PIK3R2: variants seen among roughly 807,000 people sequenced by gnomAD.
The protein encoded by PIK3R2 is phosphatidylinositol 3-kinase regulatory subunit beta.
In PIK3R2, 40 loss-of-function variants were observed where a neutral mutation model predicts 78.5. That is an observed-to-expected ratio of 0.51 (90% CI 0.40 to 0.66). The LOEUF (loss-of-function observed/expected upper bound fraction) is 0.66, where lower values mean the gene tolerates loss of function less well. Among genes scored for constraint, PIK3R2 ranks in the 30% least tolerant of loss-of-function variants. The pLI, the probability that PIK3R2 is intolerant of heterozygous loss-of-function variation, is 0.00. For synonymous variants in PIK3R2, 473 were observed against 457.7 expected (o/e 1.03, Z -0.43); for missense variants, 880 against 1,026.6 (o/e 0.86, Z 1.95).
intron 2 of PIK3R2, among the ~76,000 whole-genome samples, chr19:18,158,151 T>G (rs2043698746): frequency 6.6e-6 from 1 of 152,224 alleles, no homozygotes; most frequent in African/African-American, 2.4e-5. Flanking sequence ...GGCCGGGATA[T>G]TTTTCTTTTC....
rs370678537 is a variant in PIK3R2 at position 18,156,229 on chromosome 19, G to T, written c.322+28G>T. The T allele has an allele frequency of 9.5e-5, 137 of 1,449,322 alleles. No individual in the cohort carries two copies. The African/African-American group carries it at 1.8e-3, about 19-fold the overall frequency. 89.8% of individuals were successfully genotyped at this position (1,449,322 alleles called of 1,614,324 possible). ...GAGCAGCAAGCAGGGGCCCTGGAAAGGGGGGTGGTCCCCTCAGACCCTTGG... is the reference window on the plus strand; with the variant it reads ...GAGCAGCAAGCAGGGGCCCTGGAAATGGGGGTGGTCCCCTCAGACCCTTGG... On this transcript the variant is annotated intron_variant, in intron 2 of 15. Coordinates refer to ENST00000222254, the MANE Select transcript of PIK3R2 (RefSeq NM_005027.4). The surrounding 1 kb of genome is among the most constrained non-coding windows in gnomAD (Gnocchi z 4.2).
At position 18,155,993 on chromosome 19, in the gene PIK3R2, G is replaced by A. The variant is rs2043674840; in HGVS notation, c.114G>A (p.Leu38=). The A allele has an allele frequency of 6.4e-7, 1 of 1,559,980 alleles. No individual in the cohort carries two copies. The highest frequency in any genetic ancestry group is 8.7e-7 in the Non-Finnish European group (1 of 1,152,462). The change falls in exon 2 of 16, where the codon TTG becomes TTA. Residue 38 remains leucine (L), a synonymous_variant. Transcript: ENST00000222254. ...GDVLVVSRAA[L]QALGVAEGGE... is the part of the protein sequence containing the mutation. ...TGCTGGTAGTGAGCCGGGCGGCCTT[G>A]CAGGCGCTGGGCGTGGCCGAGGGTG...
chr19:18,162,315 G>C lies in PIK3R2; in HGVS notation c.1010+5G>C. On this transcript the variant is annotated splice_donor_5th_base_variant and intron_variant, in intron 8 of 15. Transcript: ENST00000222254. ...GTACTGGGGGGACATTTCAAGGTAG[G>C]TTGCTGGCAGGGGGCCAGGGACCAA... 6.2e-7 allele frequency: 1 copy of C among 1,601,310 alleles called. No individual in the cohort carries two copies. Among genetic ancestry groups the C allele is most frequent in the Non-Finnish European group, 8.6e-7 (1 of 1,169,246 alleles).
At chr19:18,155,285 GA>G (rs2147943995) in intron 1 of PIK3R2, among the ~76,000 whole-genome samples, 171 bp from the exon 2 acceptor site, 1 of 152,208 alleles carries the variant, frequency 6.6e-6, no homozygotes, top group East Asian at 1.9e-4. Context: ...AGCTCCAAGG[GA>G]AGGCTGTCAG....
chr19:18,161,925 A>T lies in PIK3R2; in HGVS notation c.816-41A>T. On this transcript the variant is annotated intron_variant, in intron 6 of 15. Transcript: ENST00000222254. This position sits in a 1 kb window ranked among gnomAD's most constrained non-coding sequence, Gnocchi z 5.3. The stretch of plus-strand genomic sequence containing the variant: ...ATCCTGTGCACATGCGTGGGCGGAC[A>T]GGCCCTACCCAGCCCTCACCACACT... The T allele has an allele frequency of 6.5e-7, 1 of 1,535,958 alleles. No individual in the cohort carries two copies. The highest frequency in any genetic ancestry group is 9.0e-7 in the Non-Finnish European group (1 of 1,109,464).
At chr19:18,157,347 T>A (rs2043687853) in intron 2 of PIK3R2, among the ~76,000 whole-genome samples, 2 of 152,170 alleles carry the variant, frequency 1.3e-5, no homozygotes. Flanking sequence ...GCCTGGCCTC[T>A]GTCCAGCCAC....
At chr19:18,166,682 C>T in intron 12 of PIK3R2, among the ~76,000 whole-genome samples, 1 of 136,766 alleles carries the variant, frequency 7.3e-6, no homozygotes, top group African/African-American at 2.7e-5. Flanking sequence ...TGCACTCCAG[C>T]TTGGGTGACA....
chr19:18,166,706 TCA>T (rs2043814071), intron 12 of PIK3R2, among the ~76,000 whole-genome samples: 1 of 75,162 alleles, frequency 1.3e-5, no homozygotes. Context: ...AAAGACTGTC[TCA>T]AAAAAAAAAA....
chr19:18,162,960 C>T lies in PIK3R2; in HGVS notation c.1110-7C>T, dbSNP rs1269790997. ...CACTGGGTGCCGACACCCCTCTCCT[C>T]CCCCAGGAAAGGCGGGAACAATAAG... On this transcript the variant is annotated splice_region_variant and splice_polypyrimidine_tract_variant and intron_variant, in intron 9 of 15. Coordinates refer to ENST00000222254, the MANE Select transcript of PIK3R2 (RefSeq NM_005027.4). 2 of 1,612,318 alleles carry T rather than the reference C, an allele frequency of 1.2e-6. No individual in the cohort carries two copies. The highest frequency in any genetic ancestry group is 8.5e-7 in the Non-Finnish European group (1 of 1,178,882).
At position 18,161,175 on chromosome 19, in the gene PIK3R2, G is replaced by A; in HGVS notation, c.588G>A (p.Arg196=). Reference sequence around the variant, plus strand: ...CCGAGGCCTCGGCCGAGGCGCGCCGGGCCCTGCGGGGTGAGCCTGGCGGGT... The same window carrying A: ...CCGAGGCCTCGGCCGAGGCGCGCCGAGCCCTGCGGGGTGAGCCTGGCGGGT... ...VTPEASAEAR[R]ALREAAGPVG... Residue 196 remains arginine (R), a synonymous_variant, in exon 5 of 16, where the codon CGG becomes CGA. Transcript: ENST00000222254. The surrounding 1 kb of genome is among the most constrained non-coding windows in gnomAD (Gnocchi z 5.3). 1.3e-6 allele frequency: 2 copies of A among 1,546,930 alleles called. No homozygotes were observed. The highest frequency in any genetic ancestry group is 1.4e-5 in the African/African-American group (1 of 73,116).
At chr19:18,160,152 A>C (rs1382405077) in intron 2 of PIK3R2, among the ~76,000 whole-genome samples, 1 of 152,222 alleles carries the variant, frequency 6.6e-6, no homozygotes, top group East Asian at 1.9e-4. Flanking sequence ...CTATTTCCAA[A>C]TAAGGTCACA....
At chr19:18,162,554 GA>G in intron 9 of PIK3R2, 48 bp downstream of exon 9, 1 of 1,513,390 alleles carries the variant, frequency 6.6e-7, no homozygotes, top group Non-Finnish European at 9.2e-7. Flanking sequence ...AGGTCACAGA[GA>G]CCGGGAGTTC....
intron 3 of PIK3R2, 171 bp downstream of exon 3, chr19:18,160,734 G>C (rs2043733011): frequency 1.1e-6 from 1 of 872,750 alleles, no homozygotes; most frequent in Admixed American, 2.1e-5. Flanking sequence ...AGGGAAGATG[G>C]GAAGGTGAAC....
rs769264511 is a variant in PIK3R2, at chr19:18,169,325, C to T, written c.*31C>T. 9 of 1,313,222 alleles carry T rather than the reference C, an allele frequency of 6.9e-6. No individual in the cohort carries two copies. The highest frequency in any genetic ancestry group is 2.8e-4 in the Middle Eastern group (1 of 3,516). The allele number at this position is 1,313,222 out of a possible 1,614,324, so 81.3% of individuals were successfully genotyped here. On this transcript the variant is annotated 3_prime_UTR_variant, in exon 16 of 16. Coordinates refer to ENST00000222254, the MANE Select transcript of PIK3R2 (RefSeq NM_005027.4). ...GAGGACCCGCCCCAAGCAGAGCCGC[C>T]CCTGGGCCCGTCTGCGCCGGAGGCT...
chr19:18,160,737 A>G, intron 3 of PIK3R2, 174 bp downstream of exon 3: 2 of 871,028 alleles, frequency 2.3e-6, no homozygotes, highest in Non-Finnish European at 3.7e-6. Context: ...GAAGATGGGA[A>G]GGTGAACATG....
Position 18,168,994 on chromosome 19 carries a change from G to A in PIK3R2, c.1980-93G>A. The A allele has an allele frequency of 6.4e-7, 1 of 1,553,274 alleles. No homozygotes were observed. Among genetic ancestry groups the A allele is most frequent in the Non-Finnish European group, 8.8e-7 (1 of 1,137,580 alleles). On this transcript the variant is annotated intron_variant, in intron 15 of 15. Transcript: ENST00000222254. This position sits in a 1 kb window ranked among gnomAD's most constrained non-coding sequence, Gnocchi z 4.1. ...GCCTTGGGAAGGAGTCCCTGGTGGGGTCATCCGGGACAGGGGAGCACGCGG... is the reference window on the plus strand; with the variant it reads ...GCCTTGGGAAGGAGTCCCTGGTGGGATCATCCGGGACAGGGGAGCACGCGG...
intron 3 of PIK3R2, 88 bp downstream of exon 3, chr19:18,160,651 C>T: frequency 9.1e-7 from 1 of 1,095,918 alleles, no homozygotes; most frequent in South Asian, 1.4e-5. Flanking sequence ...CCTCCAAGCT[C>T]ATGCTGCACG....
chr19:18,168,953 G>T lies in PIK3R2; in HGVS notation c.1979+57G>T. ...GTCCCTCCCAGAGCTCTCATTGAAT[G>T]CCTGCCGCGTGCCAGGCCTTGGGAA... On this transcript the variant is annotated intron_variant, in intron 15 of 15. Transcript: ENST00000222254. This position sits in a 1 kb window ranked among gnomAD's most constrained non-coding sequence, Gnocchi z 4.1. 1.3e-6 allele frequency: 2 copies of T among 1,574,138 alleles called. No individual in the cohort carries two copies. The highest frequency in any genetic ancestry group is 1.7e-6 in the Non-Finnish European group (2 of 1,154,990).
intron 11 of PIK3R2, among the ~76,000 whole-genome samples, chr19:18,165,627 T>TA (rs2043802504): frequency 6.6e-6 from 1 of 152,178 alleles, no homozygotes; most frequent in Non-Finnish European, 1.5e-5. Flanking sequence ...TTAGCCTCCC[T>TA]ACTAGCTGGG....
Sources: allele counts gnomAD v4.1 joint callset (sites outside exome capture counted in the v4.1 genomes callset), GRCh38; gene constraint gnomAD v4.1.1; non-coding constraint Gnocchi (gnomAD v3.1); transcripts MANE v1.5; gene names NCBI Gene and HGNC (gene_info 2026-07-23, HGNC 2026-07-21).